Variants in LOXL2 observed in about 807,000 individuals in gnomAD.
LOXL2 encodes lysyl oxidase like 2.
A neutral mutation model predicts 93.0 loss-of-function variants in LOXL2; 70 were observed. The ratio of observed to expected loss-of-function variants is 0.75; its 90% CI spans 0.62 to 0.92. The LOEUF is 0.92. LOXL2 is among the 40% of genes least tolerant of loss of function. The pLI is 0.00. For synonymous variants in LOXL2, 438 were observed against 413.2 expected (o/e 1.06, Z -0.73); for missense variants, 973 against 1,054.9 (o/e 0.92, Z 1.08).
intron 12 of LOXL2, among the ~76,000 whole-genome samples, chr8:23,299,365 T>C (rs1803089897): frequency 6.6e-6 from 1 of 152,090 alleles, no homozygotes. Context: ...GCGTTGGAGA[T>C]GGGACACTCG....
chr8:23,333,610 G>C lies in LOXL2; in HGVS notation c.757C>G (p.Arg253Gly). The change falls in exon 5 of 14, where the codon CGG becomes GGG. Residue 253 changes from arginine to glycine, a missense_variant. By Grantham distance (125) the Arg-to-Gly change is moderately radical. Transcript: ENST00000389131. ...NTKVYKMFAS[R>G]RKQRYWPFSM... ...AATGGCCAGTAGCGCTGCTTCCTCC[G>C]TGAGGCAAACATTCTGCAGACGATG... 1.2e-6 allele frequency: 2 copies of C among 1,612,980 alleles called. No individual in the cohort carries two copies. Among genetic ancestry groups the C allele is most frequent in the Non-Finnish European group, 1.7e-6 (2 of 1,179,546 alleles).
At chr8:23,335,509 G>T (rs937724135) in intron 4 of LOXL2, among the ~76,000 whole-genome samples, 1 of 152,180 alleles carries the variant, frequency 6.6e-6, no homozygotes, top group African/African-American at 2.4e-5. Flanking sequence ...AGGAGGGAGG[G>T]ATTCCATGGT....
intron 1 of LOXL2, among the ~76,000 whole-genome samples, chr8:23,373,413 G>A (rs1360012265): frequency 2.0e-5 from 3 of 152,110 alleles, no homozygotes; most frequent in African/African-American, 4.8e-5. Flanking sequence ...ATAGCTCACC[G>A]CAGCCTCGAA....
chr8:23,329,005 A>T, intron 5 of LOXL2: 1 of 174,620 alleles, frequency 5.7e-6, no homozygotes, highest in Non-Finnish European at 1.2e-5. Context: ...AATGGATAAT[A>T]ATTCTTTCTT....
chr8:23,349,308 C>A (rs1804051539), intron 3 of LOXL2, among the ~76,000 whole-genome samples: 1 of 152,220 alleles, frequency 6.6e-6, no homozygotes, highest in African/African-American at 2.4e-5. Context: ...TCGCTCAGAT[C>A]TTCCTGGTGG....
At chr8:23,396,241 C>A (rs7016470) in intron 1 of LOXL2, among the ~76,000 whole-genome samples, 4,855 of 152,054 alleles carry the variant, frequency 0.032, 239 homozygotes, top group African/African-American at 0.11. Flanking sequence ...TCGCTTGAAC[C>A]CAGGAGGTGG....
At chr8:23,397,732 C>A (rs1170427535) in intron 1 of LOXL2, among the ~76,000 whole-genome samples, 4 of 147,720 alleles carry the variant, frequency 2.7e-5, no homozygotes, top group African/African-American at 1.0e-4. Context: ...GAGCCGAGAT[C>A]GCGCCACTGC....
intron 3 of LOXL2, among the ~76,000 whole-genome samples, chr8:23,352,582 G>C (rs1804112398): frequency 6.6e-6 from 1 of 152,124 alleles, no homozygotes; most frequent in Non-Finnish European, 1.5e-5. Flanking sequence ...CAGAGCTGCT[G>C]CTGGGAGGGC....
chr8:23,316,625 C>T (rs141502499), intron 9 of LOXL2: 239 of 305,114 alleles, frequency 7.8e-4, no homozygotes, highest in African/African-American at 4.7e-3. Context: ...AAGATGTCAT[C>T]GACCTCATTT....
At chr8:23,359,878 T>C (rs1459968957) in intron 3 of LOXL2, among the ~76,000 whole-genome samples, 1 of 152,180 alleles carries the variant, frequency 6.6e-6, no homozygotes, top group Non-Finnish European at 1.5e-5. Flanking sequence ...CCTCTGCCCA[T>C]GCTGTTCCTT....
intron 1 of LOXL2, among the ~76,000 whole-genome samples, chr8:23,396,319 A>AAAACAAACAAACAAAC (rs71548892): frequency 2.7e-5 from 4 of 150,424 alleles, no homozygotes; most frequent in African/African-American, 9.9e-5. Context: ...CTCAGTCTCA[A>AAAACAAACAAACAAAC]AAACAAACAA....
intron 5 of LOXL2, among the ~76,000 whole-genome samples, chr8:23,330,625 C>T (rs985471221): frequency 5.9e-5 from 9 of 152,104 alleles, no homozygotes; most frequent in Non-Finnish European, 1.2e-4. Context: ...CACGCTCGCT[C>T]TGTTTTAATT....
intron 8 of LOXL2, among the ~76,000 whole-genome samples, chr8:23,318,173 GT>G (rs1235232765): frequency 6.6e-5 from 6 of 91,374 alleles, no homozygotes; most frequent in African/African-American, 1.7e-4. Flanking sequence ...ATCTTAAGGG[GT>G]AAAAAAAAAA....
chr8:23,354,950 T>TATATATATATATATATATATATATA (rs1491334754), intron 3 of LOXL2, among the ~76,000 whole-genome samples: 2 of 17,960 alleles, frequency 1.1e-4, no homozygotes, highest in African/African-American at 4.2e-4. Flanking sequence ...TATATATATA[T>TATATATATATATATATATATATATA]TTTTTTTTTT....
At chr8:23,361,755 G>A (rs1198419715) in intron 2 of LOXL2, among the ~76,000 whole-genome samples, 3 of 152,072 alleles carry the variant, frequency 2.0e-5, no homozygotes, top group South Asian at 2.1e-4. Flanking sequence ...GCAGAGAATC[G>A]CTTGAACCCG....
chr8:23,356,998 C>T (rs1804211729), intron 3 of LOXL2, among the ~76,000 whole-genome samples: 1 of 152,126 alleles, frequency 6.6e-6, no homozygotes, highest in Non-Finnish European at 1.5e-5. Flanking sequence ...AAAGGTGGGG[C>T]TAAGCTTTCC....
chr8:23,339,252 A>T (rs1208712264), intron 4 of LOXL2, among the ~76,000 whole-genome samples: 1 of 152,194 alleles, frequency 6.6e-6, no homozygotes, highest in Non-Finnish European at 1.5e-5. Flanking sequence ...CCACCTCTCC[A>T]GCTAGAAGGC....
intron 2 of LOXL2, among the ~76,000 whole-genome samples, chr8:23,360,841 C>A (rs1490592149): frequency 6.6e-6 from 1 of 152,092 alleles, no homozygotes; most frequent in African/African-American, 2.4e-5. Context: ...TGAACTTTGA[C>A]CCTTCAGGGA....
At chr8:23,367,807 G>GCC (rs200615069) in intron 2 of LOXL2, among the ~76,000 whole-genome samples, 190 bp downstream of exon 2, 4 of 151,636 alleles carry the variant, frequency 2.6e-5, no homozygotes, top group Admixed American at 6.6e-5. Context: ...CCCTCCTCAA[G>GCC]CCCCCCGACC....
Sources: gnomAD v4.1 joint callset for allele counts (sites outside exome capture counted in the v4.1 genomes callset) on GRCh38, gnomAD v4.1.1 for gene constraint, MANE v1.5 for transcripts, NCBI Gene and HGNC (gene_info 2026-07-23, HGNC 2026-07-21) for gene names.